GALNT10: variants seen among roughly 807,000 people sequenced by gnomAD.
GALNT10 encodes the protein GalNAc transferase 10.
In GALNT10, 41 loss-of-function variants were observed where a neutral mutation model predicts 75.0. The observed-to-expected ratio is 0.55, with a 90% CI of 0.43 to 0.71. GALNT10 has a LOEUF of 0.71. Ranked by LOEUF, GALNT10 falls within the 30% of genes least tolerant of loss-of-function variation. The pLI, the probability that GALNT10 is intolerant of heterozygous loss-of-function variation, is 0.00. For synonymous variants in GALNT10, 302 were observed against 313.0 expected (o/e 0.96, Z 0.37); for missense variants, 727 against 818.5 (o/e 0.89, Z 1.36).
At chr5:154,309,328 C>A (rs752619185) in intron 3 of GALNT10, among the ~76,000 whole-genome samples, 1 of 151,922 alleles carries the variant, frequency 6.6e-6, no homozygotes, top group Non-Finnish European at 1.5e-5. Context: ...GGGTGGTGGT[C>A]GGGTTGTAGT....
chr5:154,388,686 G>C lies in GALNT10; in HGVS notation c.1056+2256G>C, dbSNP rs2113188633. 3 of 116,708 alleles carry C rather than the reference G, an allele frequency of 2.6e-5. 1 individual carries two copies. The South Asian group carries it at 8.6e-4, about 34-fold the overall frequency. The allele number at this position is 116,708 out of a possible 1,614,324, so 7.2% of individuals were successfully genotyped here. The stretch of plus-strand genomic sequence containing the variant: ...ATGGACCTCTGCCTCACCCTTTCTG[G>C]GATTTTTTTTTTTTTTTTGCCTCTT... On this transcript the variant is annotated intron_variant, in intron 7 of 11. Coordinates refer to ENST00000297107, the MANE Select transcript of GALNT10 (RefSeq NM_198321.4).
chr5:154,397,343 A>C (rs960980126), intron 7 of GALNT10, among the ~76,000 whole-genome samples: 4 of 152,070 alleles, frequency 2.6e-5, no homozygotes, highest in South Asian at 2.1e-4. Flanking sequence ...TTCAGCCGGG[A>C]ATTGTGTAGC....
rs559690375 is a variant in GALNT10, at chr5:154,274,963, A to G, written c.160-19853A>G. Among the ~76,000 whole-genome samples the G allele has an allele frequency of 7.9e-5, 12 of 152,184 alleles. No homozygotes were observed. The South Asian group carries it at 1.5e-3, about 18-fold the overall frequency. On this transcript the variant is annotated intron_variant, in intron 1 of 11. Transcript: ENST00000297107. ...CACCTGGCCACTCCCCCTTCACAAC[A>G]TACATAAGCAGCTGAGTTTCCAACG...
intron 1 of GALNT10, among the ~76,000 whole-genome samples, chr5:154,191,431 T>TCC (rs1446489673): frequency 8.9e-4 from 49 of 55,166 alleles, no homozygotes; most frequent in African/African-American, 2.7e-3. Context: ...GCTTCCCTCC[T>TCC]CCCACCCCCC....
intron 1 of GALNT10, among the ~76,000 whole-genome samples, chr5:154,292,507 AAG>A (rs138086839): frequency 0.048 from 7,336 of 152,242 alleles, 260 homozygotes; most frequent in Non-Finnish European, 0.069. Context: ...GAAGAGGAAA[AAG>A]AGATTGGGAG....
chr5:154,208,134 T>C (rs1775138431), intron 1 of GALNT10, among the ~76,000 whole-genome samples: 1 of 152,210 alleles, frequency 6.6e-6, no homozygotes, highest in Non-Finnish European at 1.5e-5. Flanking sequence ...ATATGTCATT[T>C]ATCCAGCAGT....
Position 154,348,391 on chromosome 5 carries a change from A to G in GALNT10, c.568+18653A>G, listed in dbSNP as rs527687391. ...CTCCAAGTCGCGCTATTCATACCAT[A>G]AAGCTATAAATGCCAACTATTGTTT... is the stretch of plus-strand genomic sequence containing the variant. On this transcript the variant is annotated intron_variant, in intron 4 of 11. Coordinates refer to ENST00000297107, the MANE Select transcript of GALNT10 (RefSeq NM_198321.4). Among the ~76,000 whole-genome samples the G allele has an allele frequency of 1.1e-3, 161 of 152,362 alleles. 1 individual carries two copies. Among genetic ancestry groups the G allele is most frequent in the African/African-American group, 3.5e-3 (147 of 41,582 alleles).
intron 1 of GALNT10, among the ~76,000 whole-genome samples, chr5:154,234,010 C>G (rs1426832584): frequency 6.6e-6 from 1 of 152,148 alleles, no homozygotes; most frequent in African/African-American, 2.4e-5. Context: ...CAATGTGTTT[C>G]ATGGTCATCA....
chr5:154,293,609 A>ATTTTTTTTTTTTTTTTTTTT (rs1466080479), intron 1 of GALNT10, among the ~76,000 whole-genome samples: 10 of 122,776 alleles, frequency 8.1e-5, no homozygotes, highest in Non-Finnish European at 1.4e-4. Flanking sequence ...ATATATATAT[A>ATTTTTTTTTTTTTTTTTTTT]TATATTTTTT....
intron 4 of GALNT10, among the ~76,000 whole-genome samples, chr5:154,355,374 G>C (rs1755274171): frequency 6.6e-6 from 1 of 152,200 alleles, no homozygotes; most frequent in African/African-American, 2.4e-5. Context: ...TTCTGAGAAG[G>C]CTTCTCTGAT....
rs1424837505 is a variant in GALNT10 at position 154,338,081 on chromosome 5, G to A, written c.568+8343G>A. 13 of 1,209,234 alleles carry A rather than the reference G, an allele frequency of 1.1e-5. No individual in the cohort carries two copies. In the African/African-American group the frequency reaches 1.2e-4, roughly 11 times the overall value. The allele number at this position is 1,209,234 out of a possible 1,614,324, so 74.9% of individuals were successfully genotyped here. ...ATAATCTCTTAGGTGATGTTCTTCAGCATCTTCTTTAATGCCACCAGCAAA... is the reference window on the plus strand; with the variant it reads ...ATAATCTCTTAGGTGATGTTCTTCAACATCTTCTTTAATGCCACCAGCAAA... On this transcript the variant is annotated intron_variant, in intron 4 of 11. Transcript: ENST00000297107.
Position 154,297,926 on chromosome 5 carries a change from G to C in GALNT10, c.263-15G>C. ...ATACATCATTAGCAACATCGAATTT[G>C]CTCTTTGCTTCTAGGAAATGGAGAA... On this transcript the variant is annotated splice_polypyrimidine_tract_variant and intron_variant, in intron 2 of 11. Transcript: ENST00000297107. The C allele has an allele frequency of 6.2e-7, 1 of 1,610,560 alleles. No homozygotes were observed. The highest frequency in any genetic ancestry group is 8.5e-7 in the Non-Finnish European group (1 of 1,177,838).
At chr5:154,299,058 T>C (rs1002250253) in intron 3 of GALNT10, among the ~76,000 whole-genome samples, 2 of 152,216 alleles carry the variant, frequency 1.3e-5, no homozygotes, top group Admixed American at 1.3e-4. Flanking sequence ...GCTCAGGGAC[T>C]AACAAAATAG....
chr5:154,207,567 G>T (rs1212315059), intron 1 of GALNT10, among the ~76,000 whole-genome samples: 2 of 152,212 alleles, frequency 1.3e-5, no homozygotes, highest in African/African-American at 4.8e-5. Context: ...ACATAGGAGA[G>T]CCAGTGGACC....
intron 4 of GALNT10, chr5:154,349,403 A>T (rs1260573575): frequency 6.6e-6 from 1 of 152,166 alleles, no homozygotes; most frequent in Non-Finnish European, 1.5e-5. Flanking sequence ...GAAATATCAG[A>T]ATTTCCAGAC....
At chr5:154,242,899 T>C (rs1308930223) in intron 1 of GALNT10, among the ~76,000 whole-genome samples, 1 of 152,250 alleles carries the variant, frequency 6.6e-6, no homozygotes, top group Non-Finnish European at 1.5e-5. Context: ...CCCTGGTCTC[T>C]TACAGCTTTG....
At chr5:154,272,857 T>C (rs1186770193) in intron 1 of GALNT10, among the ~76,000 whole-genome samples, 1 of 152,150 alleles carries the variant, frequency 6.6e-6, no homozygotes, top group Non-Finnish European at 1.5e-5. Context: ...ACTCTTTTTT[T>C]ACAGACAGGG....
At position 154,386,295 on chromosome 5, in the gene GALNT10, GTTC is replaced by G. The variant is rs772327982; in HGVS notation, c.939-10_939-8del. On this transcript the variant is annotated splice_polypyrimidine_tract_variant and intron_variant, in intron 6 of 11. Transcript: ENST00000297107. ...CAGGACATCTGCACCTTCACACCATGTTCTTCTTCTCTGACAGGTCTCCCGTGA... is the reference window on the plus strand; with the variant it reads ...CAGGACATCTGCACCTTCACACCATGTTCTTCTCTGACAGGTCTCCCGTGA... 102 of 1,586,280 alleles carry G rather than the reference GTTC, an allele frequency of 6.4e-5. No individual in the cohort carries two copies. The African/African-American group carries it at 1.1e-3, about 17-fold the overall frequency.
intron 1 of GALNT10, among the ~76,000 whole-genome samples, chr5:154,236,232 T>C (rs1388734628): frequency 6.6e-6 from 1 of 152,212 alleles, no homozygotes; most frequent in African/African-American, 2.4e-5. Context: ...AATTTTCTCA[T>C]GTGCAAAATA....
Sources: gnomAD v4.1 joint callset for allele counts (sites outside exome capture counted in the v4.1 genomes callset) on GRCh38, gnomAD v4.1.1 for gene constraint, MANE v1.5 for transcripts, NCBI Gene and HGNC (gene_info 2026-07-23, HGNC 2026-07-21) for gene names.